COL4A3: variants seen among roughly 807,000 people sequenced by gnomAD.
COL4A3 encodes collagen type IV alpha 3 chain.
In COL4A3, 135 loss-of-function variants were observed where a neutral mutation model predicts 217.4. The observed-to-expected ratio is 0.62, with a 90% CI of 0.54 to 0.72. The LOEUF is 0.72. Among genes scored for constraint, COL4A3 ranks in the 30% least tolerant of loss-of-function variants. The probability of loss-of-function intolerance (pLI) is 0.00; values close to 1 mark genes in which losing one functional copy is unlikely to be tolerated. For synonymous variants in COL4A3, 690 were observed against 736.3 expected (o/e 0.94, Z 1.02); for missense variants, 1,868 against 2,119.9 (o/e 0.88, Z 2.33).
intron 1 of COL4A3, among the ~76,000 whole-genome samples, chr2:227,235,620 T>C (rs182763730): frequency 1.2e-4 from 18 of 152,198 alleles, no homozygotes; most frequent in Non-Finnish European, 1.8e-4. Flanking sequence ...CCAAAGTCCA[T>C]TGTATCATTC....
intron 1 of COL4A3, among the ~76,000 whole-genome samples, chr2:227,204,353 C>A (rs918574468): frequency 6.6e-6 from 1 of 152,094 alleles, no homozygotes; most frequent in African/African-American, 2.4e-5. Context: ...CTCTTTTCTT[C>A]ATTTCCTTCT....
chr2:227,223,996 T>G lies in COL4A3; in HGVS notation c.88-13972T>G, dbSNP rs144587568. 1.5e-4 allele frequency among the ~76,000 whole-genome samples: 23 copies of G among 152,294 alleles called. No individual in the cohort carries two copies. The East Asian group carries it at 4.4e-3, about 29-fold the overall frequency. On this transcript the variant is annotated intron_variant, in intron 1 of 51. Coordinates refer to ENST00000396578, the MANE Select transcript of COL4A3 (RefSeq NM_000091.5). ...CAAGACAAAGCCTTTAGGTGTGGGC[T>G]CTGATACTCCAAGCAGGCCAGACTG... is the stretch of plus-strand genomic sequence containing the variant.
chr2:227,292,488 A>G (rs1574811406), intron 37 of COL4A3, among the ~76,000 whole-genome samples: 1 of 152,220 alleles, frequency 6.6e-6, no homozygotes, highest in Non-Finnish European at 1.5e-5. Flanking sequence ...TGCATTGAAC[A>G]CAAAATGAGC....
intron 37 of COL4A3, among the ~76,000 whole-genome samples, chr2:227,291,493 G>A (rs1169856427): frequency 7.1e-6 from 1 of 140,380 alleles, no homozygotes; most frequent in Non-Finnish European, 1.5e-5. Flanking sequence ...AACCTGGGAG[G>A]CGGAGCTTGC....
In COL4A3 at chr2:227,256,359, G is replaced by A; in HGVS notation, c.950G>A (p.Arg317Lys). ...TTTCTTTAGGGAGTCAAGGGCAACAGGGGTTTCCCTGGGTTAATGGGTGAA... is the reference window on the plus strand; with the variant it reads ...TTTCTTTAGGGAGTCAAGGGCAACAAGGGTTTCCCTGGGTTAATGGGTGAA... ...FPGSEGVKGN[R>K]GFPGLMGEDG... Residue 317 changes from arginine (R) to lysine (K), a missense_variant, in exon 17 of 52, where the codon AGG becomes AAG. Transcript: ENST00000396578. 1 of 1,613,582 alleles carries A rather than the reference G, an allele frequency of 6.2e-7. No individual in the cohort carries two copies. The highest frequency in any genetic ancestry group is 1.3e-5 in the African/African-American group (1 of 75,014).
At chr2:227,291,520 G>A (rs1298512260) in intron 37 of COL4A3, among the ~76,000 whole-genome samples, 2 of 124,262 alleles carry the variant, frequency 1.6e-5, no homozygotes, top group Non-Finnish European at 3.1e-5. Context: ...CCGAGATCGC[G>A]CCACTGCACT....
intron 1 of COL4A3, among the ~76,000 whole-genome samples, chr2:227,203,363 A>G (rs1283307759): frequency 6.8e-4 from 24 of 35,162 alleles, no homozygotes; most frequent in South Asian, 1.1e-3. Flanking sequence ...GTATATATAC[A>G]TATATGTGTA....
chr2:227,229,031 G>T (rs1170731865), intron 1 of COL4A3, among the ~76,000 whole-genome samples: 1 of 152,194 alleles, frequency 6.6e-6, no homozygotes, highest in Admixed American at 6.5e-5. Flanking sequence ...AGACTGCCTA[G>T]ACTCACAGAG....
intron 48 of COL4A3, 100 bp downstream of exon 48, chr2:227,308,019 C>G (rs2073585057): frequency 1.0e-6 from 1 of 980,434 alleles, no homozygotes; most frequent in Non-Finnish European, 1.6e-6. Flanking sequence ...TGTAAATAAC[C>G]TTGAGTGTCT....
At chr2:227,205,710 A>ATTTTTTTTT (rs398105402) in intron 1 of COL4A3, among the ~76,000 whole-genome samples, 3,025 of 149,554 alleles carry the variant, frequency 0.02, 50 homozygotes, top group Non-Finnish European at 0.03. Flanking sequence ...TTCAACAAAT[A>ATTTTTTTTT]TTTTTTTTTT....
intron 28 of COL4A3, among the ~76,000 whole-genome samples, 161 bp downstream of exon 28, chr2:227,277,714 T>A (rs1484624616): frequency 6.6e-6 from 1 of 152,170 alleles, no homozygotes; most frequent in Non-Finnish European, 1.5e-5. Context: ...TTAAAATGTT[T>A]TCTGGCCAGG....
chr2:227,268,871 C>A (rs371264710), intron 23 of COL4A3: 1 of 152,182 alleles, frequency 6.6e-6, no homozygotes, highest in African/African-American at 2.4e-5. Context: ...CTCCTTGAGT[C>A]TCCTCTTTGG....
intron 2 of COL4A3, among the ~76,000 whole-genome samples, chr2:227,239,876 A>G (rs549134682): frequency 1.2e-4 from 19 of 152,220 alleles, no homozygotes; most frequent in African/African-American, 4.6e-4. Context: ...TCTGCTCTAC[A>G]TAGCCCTACC....
At chr2:227,295,244 A>T in intron 40 of COL4A3, 25 bp from the exon 41 acceptor site, 1 of 1,612,692 alleles carries the variant, frequency 6.2e-7, no homozygotes, top group Non-Finnish European at 8.5e-7. Context: ...ACCAATTATT[A>T]ACATGCCAAG....
At chr2:227,246,796 A>T in intron 7 of COL4A3, 58 bp downstream of exon 7, 1 of 1,393,978 alleles carries the variant, frequency 7.2e-7, no homozygotes, top group Non-Finnish European at 1.0e-6. Flanking sequence ...ACAGTGGTCT[A>T]CTCCATATGG....
In COL4A3 at chr2:227,298,818, T is replaced by C; in HGVS notation, c.3882+6T>C. ...TGGGACCACCAGGTCGTCTGGTGAG[T>C]ATGGATAATTATTTTGACTCATTAT... On this transcript the variant is annotated splice_donor_region_variant and intron_variant, in intron 43 of 51. Coordinates refer to ENST00000396578, the MANE Select transcript of COL4A3 (RefSeq NM_000091.5). The C allele has an allele frequency of 6.2e-7, 1 of 1,612,740 alleles. No individual in the cohort carries two copies. The highest frequency in any genetic ancestry group is 8.5e-7 in the Non-Finnish European group (1 of 1,179,488).
chr2:227,170,717 G>T (rs931258137), intron 1 of COL4A3, among the ~76,000 whole-genome samples: 2 of 152,122 alleles, frequency 1.3e-5, no homozygotes, highest in African/African-American at 4.8e-5. Flanking sequence ...GTAATAGTAT[G>T]TATTTTTGTC....
chr2:227,181,956 C>T (rs1423863906), intron 1 of COL4A3, among the ~76,000 whole-genome samples: 1 of 152,112 alleles, frequency 6.6e-6, no homozygotes, highest in African/African-American at 2.4e-5. Flanking sequence ...TAAATTCTAT[C>T]TTGTAAATAT....
At chr2:227,261,257 G>A (rs2070544665) in intron 20 of COL4A3, 140 bp downstream of exon 20, 2 of 754,884 alleles carry the variant, frequency 2.6e-6, no homozygotes, top group South Asian at 1.9e-5. Flanking sequence ...GGGTTCAATG[G>A]CTCACGCCTG....
Sources: gnomAD v4.1 joint callset for allele counts (sites outside exome capture counted in the v4.1 genomes callset) on GRCh38, gnomAD v4.1.1 for gene constraint, MANE v1.5 for transcripts, NCBI Gene and HGNC (gene_info 2026-07-23, HGNC 2026-07-21) for gene names.